SLC2A14: variants seen among roughly 807,000 people sequenced by gnomAD.
SLC2A14 encodes the protein solute carrier family 2 member 14, also known as solute carrier family 2, facilitated glucose transporter member 14.
Under a neutral mutation model 43.0 loss-of-function variants are expected in SLC2A14, and 13 were observed. The ratio of observed to expected loss-of-function variants is 0.30; its 90% CI spans 0.20 to 0.48. The LOEUF (loss-of-function observed/expected upper bound fraction) is 0.48, where lower values mean the gene tolerates loss of function less well. Ranked by LOEUF, SLC2A14 falls within the 20% of genes least tolerant of loss-of-function variation. The probability of loss-of-function intolerance (pLI) is 0.99; values close to 1 mark genes in which losing one functional copy is unlikely to be tolerated. For synonymous variants in SLC2A14, 190 were observed against 233.8 expected (o/e 0.81, Z 1.71); for missense variants, 428 against 620.4 (o/e 0.69, Z 3.29).
At chr12:7,867,152 G>A (rs943264504) in intron 2 of SLC2A14, among the ~76,000 whole-genome samples, 2 of 151,944 alleles carry the variant, frequency 1.3e-5, no homozygotes, top group African/African-American at 2.4e-5. Flanking sequence ...GGTGGCGGGG[G>A]CCTGTAGCCC....
intron 10 of SLC2A14, among the ~76,000 whole-genome samples, chr12:7,816,107 A>AT (rs1309960322): frequency 7.0e-5 from 3 of 42,900 alleles, no homozygotes; most frequent in African/African-American, 1.3e-4. Flanking sequence ...TATTTTTTTT[A>AT]TTTTTTTTGA....
chr12:7,844,630 A>T (rs1414026455), intron 2 of SLC2A14, among the ~76,000 whole-genome samples: 1 of 151,212 alleles, frequency 6.6e-6, no homozygotes, highest in Non-Finnish European at 1.5e-5. Context: ...TCCACCTCCC[A>T]GGTTCAAGCA....
intron 2 of SLC2A14, among the ~76,000 whole-genome samples, chr12:7,859,607 G>A (rs1944435893): frequency 6.6e-6 from 1 of 152,062 alleles, no homozygotes; most frequent in Non-Finnish European, 1.5e-5. Context: ...ATACATCATG[G>A]AATAGCCAGG....
At chr12:7,857,515 G>A (rs2120970821) in intron 2 of SLC2A14, among the ~76,000 whole-genome samples, 1 of 152,180 alleles carries the variant, frequency 6.6e-6, no homozygotes, top group South Asian at 2.1e-4. Context: ...TTGAAGCTGG[G>A]AGGTAAAGGT....
At chr12:7,889,531 C>A (rs896855383) in intron 1 of SLC2A14, among the ~76,000 whole-genome samples, 6 of 136,970 alleles carry the variant, frequency 4.4e-5, no homozygotes, top group African/African-American at 1.6e-4. Context: ...CCGTGCCTGA[C>A]CTGGTTCCCC....
intron 2 of SLC2A14, among the ~76,000 whole-genome samples, chr12:7,866,069 T>G (rs1276187614): frequency 1.3e-5 from 2 of 151,612 alleles, no homozygotes; most frequent in Non-Finnish European, 2.9e-5. Context: ...ATACAAAAAT[T>G]AGCCAGGCAT....
chr12:7,881,530 T>C (rs1209855468), intron 1 of SLC2A14, among the ~76,000 whole-genome samples: 4 of 152,126 alleles, frequency 2.6e-5, no homozygotes, highest in African/African-American at 7.2e-5. Flanking sequence ...GGGGCAGGGC[T>C]CAGGACCTGC....
At chr12:7,825,215 C>A (rs973478804) in intron 7 of SLC2A14, among the ~76,000 whole-genome samples, 1 of 144,872 alleles carries the variant, frequency 6.9e-6, no homozygotes, top group African/African-American at 2.4e-5. Flanking sequence ...AATCCTAGCA[C>A]TTTGGGAGGC....
chr12:7,865,003 G>A (rs923465261), intron 2 of SLC2A14, among the ~76,000 whole-genome samples: 4 of 151,990 alleles, frequency 2.6e-5, no homozygotes, highest in Non-Finnish European at 5.9e-5. Flanking sequence ...CTCCTATTGC[G>A]CTTTTTTACA....
upstream of SLC2A14, among the ~76,000 whole-genome samples, chr12:7,874,685 AAT>A (rs1209638837): frequency 6.9e-6 from 1 of 145,024 alleles, no homozygotes; most frequent in African/African-American, 2.5e-5. Context: ...AAAATATATA[AAT>A]ATATATATAA....
chr12:7,863,162 AGCCC>A (rs1944687582), intron 2 of SLC2A14, among the ~76,000 whole-genome samples: 1 of 152,008 alleles, frequency 6.6e-6, no homozygotes, highest in Non-Finnish European at 1.5e-5. Flanking sequence ...TTCATTTTTG[AGCCC>A]AGCGAGACTA....
chr12:7,814,902 C>T (rs958011376), intron 10 of SLC2A14, among the ~76,000 whole-genome samples: 18 of 151,888 alleles, frequency 1.2e-4, no homozygotes, highest in African/African-American at 3.6e-4. Context: ...TGGGTTCAAG[C>T]GATTCTCCTG....
At chr12:7,869,127 A>G (rs1397131007) in intron 2 of SLC2A14, among the ~76,000 whole-genome samples, 8 of 151,494 alleles carry the variant, frequency 5.3e-5, no homozygotes, top group Non-Finnish European at 1.5e-5. Context: ...CTGGGCAACA[A>G]GAGTGAAACT....
chr12:7,834,476 C>A (rs1430965984), intron 2 of SLC2A14, among the ~76,000 whole-genome samples: 1 of 150,898 alleles, frequency 6.6e-6, no homozygotes, highest in African/African-American at 2.4e-5. Flanking sequence ...ATCACTTGAG[C>A]CTAGCAGTTT....
chr12:7,882,602 G>T (rs538472378), intron 1 of SLC2A14, among the ~76,000 whole-genome samples: 10 of 152,098 alleles, frequency 6.6e-5, no homozygotes, highest in Non-Finnish European at 1.2e-4. Flanking sequence ...GGAGGCTGAG[G>T]CAGGCACGTG....
chr12:7,831,855 T>C, intron 3 of SLC2A14, 91 bp from the exon 4 acceptor site: 1 of 1,504,512 alleles, frequency 6.6e-7, no homozygotes, highest in Non-Finnish European at 9.1e-7. Context: ...ACGCCTGTAA[T>C]CCCAGCACTT....
At chr12:7,821,799 C>T (rs770139271) in intron 7 of SLC2A14, among the ~76,000 whole-genome samples, 4 of 151,118 alleles carry the variant, frequency 2.6e-5, no homozygotes, top group East Asian at 1.9e-4. Flanking sequence ...CCTGCCACCG[C>T]GCCCAGCTAA....
At chr12:7,849,682 C>T (rs954847401) in intron 2 of SLC2A14, among the ~76,000 whole-genome samples, 17 of 151,610 alleles carry the variant, frequency 1.1e-4, no homozygotes, top group African/African-American at 2.9e-4. Flanking sequence ...AGGCGGATCA[C>T]GAGGTAGGGA....
At chr12:7,825,014 G>A (rs1014328215) in intron 7 of SLC2A14, among the ~76,000 whole-genome samples, 9 of 151,980 alleles carry the variant, frequency 5.9e-5, no homozygotes, top group Admixed American at 6.6e-5. Flanking sequence ...TTTTTTACAG[G>A]CAATTTCCAG....
Sources: allele counts gnomAD v4.1 joint callset (sites outside exome capture counted in the v4.1 genomes callset), GRCh38; gene constraint gnomAD v4.1.1; transcripts MANE v1.5; gene names NCBI Gene and HGNC (gene_info 2026-07-23, HGNC 2026-07-21).